CCNY: variants seen among roughly 807,000 people sequenced by gnomAD.
CCNY encodes the protein cyclin Y.
A neutral mutation model predicts 42.8 loss-of-function variants in CCNY; 19 were observed. That is an observed-to-expected ratio of 0.44 (90% CI 0.31 to 0.65). The LOEUF (loss-of-function observed/expected upper bound fraction) is 0.65. Ranked by LOEUF, CCNY falls within the 30% of genes least tolerant of loss-of-function variation. The pLI is 0.07. For synonymous variants in CCNY, 165 were observed against 162.7 expected (o/e 1.01, Z -0.11); for missense variants, 370 against 437.3 (o/e 0.85, Z 1.37).
intron 1 of CCNY, among the ~76,000 whole-genome samples, chr10:35,430,673 G>A (rs933404349): frequency 2.6e-5 from 4 of 152,170 alleles, no homozygotes; most frequent in African/African-American, 9.7e-5. Flanking sequence ...TGGAATTGAG[G>A]ATAATGGTTA....
At chr10:35,468,097 A>G (rs1436991924) in intron 1 of CCNY, among the ~76,000 whole-genome samples, 1 of 152,234 alleles carries the variant, frequency 6.6e-6, no homozygotes, top group Non-Finnish European at 1.5e-5. Flanking sequence ...ACAGTTCAGG[A>G]AGCTGGTAGA....
chr10:35,344,307 C>T (rs542894873), intron 1 of CCNY, among the ~76,000 whole-genome samples: 1 of 152,320 alleles, frequency 6.6e-6, no homozygotes, highest in Non-Finnish European at 1.5e-5. Context: ...GGAAGACCCG[C>T]ATTCCAGATG....
chr10:35,517,942 C>G (rs1840463507), intron 4 of CCNY, among the ~76,000 whole-genome samples: 1 of 152,214 alleles, frequency 6.6e-6, no homozygotes, highest in African/African-American at 2.4e-5. Flanking sequence ...CCCTGAAGAT[C>G]TGTGTACCAC....
At chr10:35,444,048 C>T (rs1169255131) in intron 1 of CCNY, among the ~76,000 whole-genome samples, 2 of 152,196 alleles carry the variant, frequency 1.3e-5, no homozygotes, top group African/African-American at 2.4e-5. Flanking sequence ...ACCCTTTCTG[C>T]AGAAAGTAAA....
chr10:35,359,381 T>C (rs1836630382), intron 1 of CCNY, among the ~76,000 whole-genome samples: 1 of 152,260 alleles, frequency 6.6e-6, no homozygotes, highest in African/African-American at 2.4e-5. Flanking sequence ...GCCACTGGAC[T>C]GTGGCAGATA....
chr10:35,410,946 A>G (rs35745247), intron 1 of CCNY, among the ~76,000 whole-genome samples: 43,581 of 152,078 alleles, frequency 0.29, 6,560 homozygotes, highest in Admixed American at 0.35. Flanking sequence ...TTTGGAGAAT[A>G]TTGAGAAATT....
At chr10:35,291,651 C>T (rs1835415723) in intron 3 of CCNY, among the ~76,000 whole-genome samples, 1 of 151,522 alleles carries the variant, frequency 6.6e-6, no homozygotes, top group Admixed American at 6.6e-5. Flanking sequence ...GTTCTCCTGC[C>T]TCAGCCTCCC....
At chr10:35,335,530 C>G (rs1836003441), upstream of CCNY, among the ~76,000 whole-genome samples, 1 of 152,016 alleles carries the variant, frequency 6.6e-6, no homozygotes, top group South Asian at 2.1e-4. Flanking sequence ...ATAGAAAACT[C>G]CCAAATCAAG....
At position 35,338,437 on chromosome 10, in the gene CCNY, GTGT is replaced by G. The variant is rs1348138848; in HGVS notation, c.154+1235_154+1237del. Among the ~76,000 whole-genome samples the G allele has an allele frequency of 3.4e-4, 52 of 152,268 alleles. No homozygotes were observed. The South Asian group carries it at 7.9e-3, about 23-fold the overall frequency. On this transcript the variant is annotated intron_variant, in intron 1 of 9. Coordinates refer to ENST00000374704, the MANE Select transcript of CCNY (RefSeq NM_145012.6). ...ATTATGGTTCCATATGACGTGTCTA[GTGT>G]TGTTATTTTAGATTTCCATTATTTT...
intron 1 of CCNY, among the ~76,000 whole-genome samples, chr10:35,431,309 C>T (rs1264488577): frequency 7.1e-6 from 1 of 140,330 alleles, no homozygotes; most frequent in Non-Finnish European, 1.6e-5. Context: ...CTTCACTCCT[C>T]CCCTCCTCCT....
chr10:35,372,424 C>G (rs1223516482), intron 1 of CCNY, among the ~76,000 whole-genome samples: 1 of 152,234 alleles, frequency 6.6e-6, no homozygotes, highest in African/African-American at 2.4e-5. Flanking sequence ...CTCTGAGTCC[C>G]TGGGATCAGC....
intron 4 of CCNY, among the ~76,000 whole-genome samples, chr10:35,521,813 G>A (rs1022341212): frequency 3.9e-5 from 6 of 152,150 alleles, no homozygotes; most frequent in Non-Finnish European, 7.4e-5. Flanking sequence ...GCTCCACCTG[G>A]ATGGAAGGAC....
intron 1 of CCNY, among the ~76,000 whole-genome samples, chr10:35,339,718 C>T (rs1386009328): frequency 6.6e-6 from 1 of 152,154 alleles, no homozygotes; most frequent in Non-Finnish European, 1.5e-5. Context: ...ATGCTTTCTT[C>T]CCTTTGTCAC....
chr10:35,388,167 G>C (rs1172066688), intron 1 of CCNY, among the ~76,000 whole-genome samples: 2 of 152,236 alleles, frequency 1.3e-5, no homozygotes, highest in South Asian at 2.1e-4. Context: ...GTCTTCTGCA[G>C]CCTTTCCTGG....
chr10:35,536,218 G>T (rs1840883973), intron 7 of CCNY, among the ~76,000 whole-genome samples: 1 of 152,068 alleles, frequency 6.6e-6, no homozygotes, highest in South Asian at 2.1e-4. Context: ...TTCCATTTTT[G>T]CATCCTTCTT....
At position 35,563,749 on chromosome 10, in the gene CCNY, C is replaced by T. The variant is rs931222087; in HGVS notation, c.747-2274C>T. ...GGGACAGAGTTTCGCTCTCGTTGCC[C>T]AGGCTGGAGTGCAGTGGGGCAATCT... On this transcript the variant is annotated intron_variant, in intron 8 of 9. Coordinates refer to ENST00000374704, the MANE Select transcript of CCNY (RefSeq NM_145012.6). Among the ~76,000 whole-genome samples, 8 of 152,306 alleles carry T rather than the reference C, an allele frequency of 5.3e-5. No individual in the cohort carries two copies. In the East Asian group the frequency reaches 7.7e-4, roughly 15 times the overall value.
At chr10:35,406,119 G>A (rs1356648578) in intron 1 of CCNY, among the ~76,000 whole-genome samples, 4 of 151,162 alleles carry the variant, frequency 2.6e-5, no homozygotes, top group Non-Finnish European at 5.9e-5. Context: ...CACCTTGAAA[G>A]CGAGGTTAAT....
intron 1 of CCNY, among the ~76,000 whole-genome samples, chr10:35,439,132 G>A (rs566804494): frequency 8.4e-4 from 128 of 152,064 alleles, no homozygotes; most frequent in Non-Finnish European, 1.6e-3. Context: ...TTTGAATCTT[G>A]GGTTTCTGTT....
At chr10:35,355,049 G>A (rs1481266294) in intron 1 of CCNY, among the ~76,000 whole-genome samples, 3 of 152,166 alleles carry the variant, frequency 2.0e-5, no homozygotes, top group Non-Finnish European at 2.9e-5. Flanking sequence ...AGAGAGGATT[G>A]AGTTTCCTTT....
Sources: allele counts gnomAD v4.1 joint callset (sites outside exome capture counted in the v4.1 genomes callset), GRCh38; gene constraint gnomAD v4.1.1; transcripts MANE v1.5; gene names NCBI Gene and HGNC (gene_info 2026-07-23, HGNC 2026-07-21).